COL6A2: variants seen among roughly 807,000 people sequenced by gnomAD.
The protein encoded by COL6A2 is collagen type VI alpha 2 chain.
In COL6A2, 90 loss-of-function variants were observed where a neutral mutation model predicts 124.9. The ratio of observed to expected loss-of-function variants is 0.72; its 90% CI spans 0.61 to 0.86. The LOEUF is 0.86. COL6A2 is among the 40% of genes least tolerant of loss of function. The pLI is 0.00. For missense variants in COL6A2, 1,607 were observed against 1,502.5 expected (o/e 1.07, Z -1.15); for synonymous variants, 793 against 618.2 (o/e 1.28, Z -4.19).
chr21:46,102,877 G>A (rs2078302226), intron 1 of COL6A2, among the ~76,000 whole-genome samples: 1 of 152,088 alleles, frequency 6.6e-6, no homozygotes, highest in Non-Finnish European at 1.5e-5. Flanking sequence ...CTGGATTGTA[G>A]TTTTCTTTTC....
Position 46,129,406 on chromosome 21 carries a change from A to G in COL6A2, c.2462-2548A>G, listed in dbSNP as rs746357758. 51 of 1,612,528 alleles carry G rather than the reference A, an allele frequency of 3.2e-5. 1 individual carries two copies. Among genetic ancestry groups the G allele is most frequent in the Non-Finnish European group, 2.5e-5 (30 of 1,179,856 alleles). ...TTCGCCACCGGGGTAGAGCGGCAGG[A>G]CTGGATGGAGCTGTTCATTGACACC... On this transcript the variant is annotated intron_variant, in intron 27 of 27. Transcript: ENST00000300527.
rs573708903 is a variant in COL6A2, at chr21:46,107,658, G to A, written c.-27-3792G>A. Among the ~76,000 whole-genome samples, 44 of 152,206 alleles carry A rather than the reference G, an allele frequency of 2.9e-4. 1 individual carries two copies. The highest frequency in any genetic ancestry group is 5.5e-4 in the African/African-American group (23 of 41,540). On this transcript the variant is annotated intron_variant, in intron 1 of 27. Coordinates refer to ENST00000300527, the MANE Select transcript of COL6A2 (RefSeq NM_001849.4). Reference sequence around the variant, plus strand: ...ACTATGAGACTTCAGAAGAACCTTGGTCTCCACAGTCTTTTATCTTAACCT... The same window carrying A: ...ACTATGAGACTTCAGAAGAACCTTGATCTCCACAGTCTTTTATCTTAACCT...
intron 1 of COL6A2, among the ~76,000 whole-genome samples, chr21:46,108,990 G>T: frequency 6.6e-6 from 1 of 152,162 alleles, no homozygotes. Flanking sequence ...GCCCCTCTCT[G>T]TAGGCGGGTT....
At position 46,125,857 on chromosome 21, in the gene COL6A2, T is replaced by C; in HGVS notation, c.2042T>C (p.Ile681Thr). The C allele has an allele frequency of 6.2e-7, 1 of 1,612,742 alleles. No homozygotes were observed. The highest frequency in any genetic ancestry group is 8.5e-7 in the Non-Finnish European group (1 of 1,179,960). Residue 681 changes from isoleucine to threonine, a missense_variant, in exon 26 of 28, where the codon ATC (isoleucine) becomes ACC (threonine). Around this residue, in one of 3 missense-constraint regions of COL6A2, gnomAD observed 1,223 missense variants for 1,052.2 expected, o/e 1.16. Coordinates refer to ENST00000300527, the MANE Select transcript of COL6A2 (RefSeq NM_001849.4). ...GCCATCCAGCTGGACGACGAACGTA[T>C]CGACTCCCTGTCGAGCTTCAAGGAG... ...FEAIQLDDER[I>T]DSLSSFKEAV...
Position 46,119,030 on chromosome 21 carries a change from G to T in COL6A2, c.1180G>T (p.Gly394Trp). 1 of 1,609,698 alleles carries T rather than the reference G, an allele frequency of 6.2e-7. No individual in the cohort carries two copies. The highest frequency in any genetic ancestry group is 1.1e-5 in the South Asian group (1 of 91,038). The change falls in exon 14 of 28, where the codon GGG (glycine) becomes TGG (tryptophan). Residue 394 changes from glycine (G) to tryptophan (W), a missense_variant and splice_region_variant. Coordinates refer to ENST00000300527, the MANE Select transcript of COL6A2 (RefSeq NM_001849.4). Reference sequence around the variant, plus strand: ...ACTGTGCTGTCCTCTCCTTCTTCAGGGGTATCAAGGCAACAGTGGAGCCCC... The same window carrying T: ...ACTGTGCTGTCCTCTCCTTCTTCAGTGGTATCAAGGCAACAGTGGAGCCCC... ...PGEIGAKGSK[G>W]YQGNSGAPGS...
chr21:46,112,952 A>G, intron 4 of COL6A2, 128 bp downstream of exon 4: 2 of 1,216,018 alleles, frequency 1.6e-6, no homozygotes, highest in Non-Finnish European at 2.4e-6. Flanking sequence ...CACCTGCTCC[A>G]TGTTGGACCT....
chr21:46,102,158 T>C (rs1260040085), intron 1 of COL6A2, among the ~76,000 whole-genome samples: 2 of 152,200 alleles, frequency 1.3e-5, no homozygotes, highest in Non-Finnish European at 2.9e-5. Context: ...TTTGATACTA[T>C]AGTAAATAGA....
chr21:46,106,264 G>A, intron 1 of COL6A2, among the ~76,000 whole-genome samples: 1 of 152,190 alleles, frequency 6.6e-6, no homozygotes, highest in East Asian at 1.9e-4. Context: ...CTGGCTCTCA[G>A]TCTGCTTCCA....
intron 27 of COL6A2, 31 bp downstream of exon 27, chr21:46,126,572 A>C (rs760341063): frequency 5.6e-5 from 91 of 1,612,724 alleles, no homozygotes; most frequent in Non-Finnish European, 5.6e-5. Context: ...CCACCACCCC[A>C]GACTAGCAAA....
At chr21:46,114,119 CCT>C (rs753737214) in intron 5 of COL6A2, 46 bp downstream of exon 5, 2 of 1,545,764 alleles carry the variant, frequency 1.3e-6, no homozygotes, top group South Asian at 1.1e-5. Context: ...CCAGGAAGCC[CCT>C]GATTTGTTTT....
intron 27 of COL6A2, among the ~76,000 whole-genome samples, chr21:46,127,221 G>A (rs897033167): frequency 2.0e-5 from 3 of 152,142 alleles, no homozygotes; most frequent in African/African-American, 4.8e-5. Context: ...TGTGAGGGTA[G>A]GGATGCCATG....
At chr21:46,110,131 G>C (rs1347474805) in intron 1 of COL6A2, among the ~76,000 whole-genome samples, 1 of 152,144 alleles carries the variant, frequency 6.6e-6, no homozygotes, top group Non-Finnish European at 1.5e-5. Context: ...CAACACCGCC[G>C]TGAGCTCCCC....
intron 13 of COL6A2, 106 bp downstream of exon 13, chr21:46,118,782 G>A (rs529637164): frequency 4.8e-4 from 639 of 1,342,218 alleles, no homozygotes; most frequent in Non-Finnish European, 6.3e-4. Flanking sequence ...CCATGGTGCC[G>A]CATTGGGCTC....
At chr21:46,098,456 TG>T (rs34972836) in intron 1 of COL6A2, among the ~76,000 whole-genome samples, 1 of 150,918 alleles carries the variant, frequency 6.6e-6, no homozygotes, top group Non-Finnish European at 1.5e-5. Context: ...CTGGGCGGGG[TG>T]GGGGGGTCCC....
Position 46,116,233 on chromosome 21 carries a change from T to TTCAC in COL6A2, c.901-144_901-143insTCAC. The TTCAC allele has an allele frequency of 8.6e-7, 1 of 1,168,840 alleles. No individual in the cohort carries two copies. Among genetic ancestry groups the TTCAC allele is most frequent in the Non-Finnish European group, 1.2e-6 (1 of 804,108 alleles). The allele number at this position is 1,168,840 out of a possible 1,614,324, so 72.4% of individuals were successfully genotyped here. On this transcript the variant is annotated intron_variant, in intron 7 of 27. Transcript: ENST00000300527. The surrounding 1 kb of genome is among the most constrained non-coding windows in gnomAD (Gnocchi z 4.6). ...CCCAGCCTCCAGCCCGACCCAGGGC[T>TTCAC]CAGCCTCCTCCGCAGACTGTTTGTC...
chr21:46,121,472 G>C, intron 17 of COL6A2, 84 bp from the exon 18 acceptor site: 1 of 1,349,024 alleles, frequency 7.4e-7, no homozygotes, highest in Non-Finnish European at 1.1e-6. Context: ...CTGGTGGTCA[G>C]GGCTGGACGG....
At chr21:46,118,928 C>G in intron 13 of COL6A2, 102 bp from the exon 14 acceptor site, 1 of 1,055,964 alleles carries the variant, frequency 9.5e-7, no homozygotes. Context: ...CAAGCAGATT[C>G]CGCTGGAAGA....
intron 27 of COL6A2, chr21:46,129,658 T>G: frequency 7.0e-7 from 1 of 1,423,504 alleles, no homozygotes; most frequent in Non-Finnish European, 9.1e-7. Context: ...CTTCCCATGC[T>G]GGTGGCCACC....
chr21:46,114,594 T>A (rs773878998), intron 5 of COL6A2, among the ~76,000 whole-genome samples: 10 of 152,192 alleles, frequency 6.6e-5, no homozygotes, highest in Non-Finnish European at 8.8e-5. Context: ...ATTAAAATAC[T>A]TTGGTAAGCA....
Sources: allele counts gnomAD v4.1 joint callset (sites outside exome capture counted in the v4.1 genomes callset), GRCh38; gene constraint gnomAD v4.1.1; regional missense constraint gnomAD v4.1.1; non-coding constraint Gnocchi (gnomAD v3.1); transcripts MANE v1.5; gene names NCBI Gene and HGNC (gene_info 2026-07-23, HGNC 2026-07-21).